Variants in FARP1 observed in about 807,000 individuals in gnomAD.
The protein encoded by FARP1 is FERM, ARH/RhoGEF and pleckstrin domain protein 1.
Under a neutral mutation model 128.8 loss-of-function variants are expected in FARP1, and 52 were observed. The ratio of observed to expected loss-of-function variants is 0.40; its 90% CI spans 0.32 to 0.51. FARP1 has a LOEUF of 0.51. FARP1 is among the 20% of genes least tolerant of loss of function. The pLI is 0.45. For missense variants in FARP1, 1,333 were observed against 1,367.9 expected, an observed-to-expected ratio of 0.97 and a Z score of 0.40; for synonymous variants, 580 against 551.8, an observed-to-expected ratio of 1.05 and a Z score of -0.72.
chr13:98,238,214 C>T (rs1228700724), intron 2 of FARP1, among the ~76,000 whole-genome samples: 1 of 152,198 alleles, frequency 6.6e-6, no homozygotes, highest in Non-Finnish European at 1.5e-5. Context: ...AGCATATCTG[C>T]GAAACAGGTT....
At chr13:98,364,728 A>C (rs1889012527) in intron 3 of FARP1, among the ~76,000 whole-genome samples, 1 of 152,210 alleles carries the variant, frequency 6.6e-6, no homozygotes, top group African/African-American at 2.4e-5. Context: ...TCTTCCTTGA[A>C]AAGTTCGCTA....
chr13:98,176,237 T>C lies in FARP1; in HGVS notation c.-24+32745T>C, dbSNP rs754767770. 1.2e-5 allele frequency: 19 copies of C among 1,607,618 alleles called. No individual in the cohort carries two copies. The highest frequency in any genetic ancestry group is 3.3e-5 in the Admixed American group (2 of 59,800). On this transcript the variant is annotated intron_variant, in intron 1 of 26. Coordinates refer to ENST00000319562, the MANE Select transcript of FARP1 (RefSeq NM_005766.4). The surrounding 1 kb of genome is among the most constrained non-coding windows in gnomAD (Gnocchi z 6.2). Reference sequence around the variant, plus strand: ...TTATGGGAAACCTAAGCCATGGGAATTGGACACTCATGGGGGTCTTCTGTG... The same window carrying C: ...TTATGGGAAACCTAAGCCATGGGAACTGGACACTCATGGGGGTCTTCTGTG...
intron 2 of FARP1, among the ~76,000 whole-genome samples, chr13:98,222,205 G>A (rs1304053723): frequency 2.0e-5 from 3 of 152,248 alleles, no homozygotes; most frequent in South Asian, 4.2e-4. Context: ...CTGTGGCTCT[G>A]GTTTTATTTT....
In FARP1 at chr13:98,351,544, G is replaced by A. The variant is rs576206223; in HGVS notation, c.276+7678G>A. Reference sequence around the variant, plus strand: ...GGAGAATGGCGTGAACCCGGGAGGCGGAGCTCGCAGTGAGCTGAGATCACG... The same window carrying A: ...GGAGAATGGCGTGAACCCGGGAGGCAGAGCTCGCAGTGAGCTGAGATCACG... On this transcript the variant is annotated intron_variant, in intron 3 of 26. Transcript: ENST00000319562. Among the ~76,000 whole-genome samples, 30 of 151,664 alleles carry A rather than the reference G, an allele frequency of 2.0e-4. No individual in the cohort carries two copies. In the South Asian group the frequency reaches 4.0e-3, roughly 20 times the overall value.
intron 2 of FARP1, among the ~76,000 whole-genome samples, chr13:98,291,598 C>T (rs1338751113): frequency 2.0e-5 from 3 of 152,138 alleles, no homozygotes; most frequent in East Asian, 1.9e-4. Context: ...TTTCTGCCAG[C>T]GGGTATATCC....
At chr13:98,227,451 TAAAAA>T (rs61196423) in intron 2 of FARP1, among the ~76,000 whole-genome samples, 3 of 141,524 alleles carry the variant, frequency 2.1e-5, no homozygotes, top group Admixed American at 1.4e-4. Context: ...TGGCTACTAT[TAAAAA>T]AAAAAAAAAC....
chr13:98,203,740 A>T (rs1880096636), intron 1 of FARP1: 1 of 152,074 alleles, frequency 6.6e-6, no homozygotes. Flanking sequence ...ATATGTTTTC[A>T]TTTGTCCTGG....
At chr13:98,281,217 G>A (rs1442217556) in intron 2 of FARP1, among the ~76,000 whole-genome samples, 2 of 152,092 alleles carry the variant, frequency 1.3e-5, no homozygotes, top group Admixed American at 6.5e-5. Flanking sequence ...GCTGGGTGTG[G>A]TGGCACGCAC....
chr13:98,327,966 A>G (rs1887306912), intron 2 of FARP1, among the ~76,000 whole-genome samples: 1 of 152,204 alleles, frequency 6.6e-6, no homozygotes, highest in African/African-American at 2.4e-5. Context: ...TCATGAAACG[A>G]GAACCATGCG....
chr13:98,143,380 G>A lies in FARP1; in HGVS notation c.-136G>A, dbSNP rs1297271462. 2 of 150,302 alleles carry A rather than the reference G, an allele frequency of 1.3e-5. No homozygotes were observed. The highest frequency in any genetic ancestry group is 4.9e-5 in the African/African-American group (2 of 41,108). 9.3% of individuals were successfully genotyped at this position (150,302 alleles called of 1,614,324 possible). On this transcript the variant is annotated 5_prime_UTR_variant, in exon 1 of 27. Transcript: ENST00000319562. ...TCGCGCGCCCGCGCCGCCGCCGCCC[G>A]CGGGTATTAATAGCCGGCGCCGCCG...
intron 2 of FARP1, among the ~76,000 whole-genome samples, chr13:98,236,518 AAAAT>A (rs1178224076): frequency 1.3e-5 from 2 of 152,212 alleles, no homozygotes; most frequent in African/African-American, 4.8e-5. Flanking sequence ...CAGAGTTTTA[AAAAT>A]AAATATATTG....
intron 2 of FARP1, among the ~76,000 whole-genome samples, chr13:98,267,068 T>C (rs1446243341): frequency 1.3e-5 from 2 of 151,238 alleles, no homozygotes; most frequent in Middle Eastern, 3.5e-3. Flanking sequence ...AAGGGGTTAT[T>C]ATTTCACCTA....
Position 98,176,228 on chromosome 13 carries a change from C to T in FARP1, c.-24+32736C>T, listed in dbSNP as rs753841984. On this transcript the variant is annotated intron_variant, in intron 1 of 26. Transcript: ENST00000319562. The surrounding 1 kb of genome is among the most constrained non-coding windows in gnomAD (Gnocchi z 6.2). Reference sequence around the variant, plus strand: ...ATGTGAGAATTATGGGAAACCTAAGCCATGGGAATTGGACACTCATGGGGG... The same window carrying T: ...ATGTGAGAATTATGGGAAACCTAAGTCATGGGAATTGGACACTCATGGGGG... 7 of 1,607,694 alleles carry T rather than the reference C, an allele frequency of 4.4e-6. No homozygotes were observed. In the African/African-American group the frequency reaches 5.4e-5, roughly 12 times the overall value.
intron 2 of FARP1, among the ~76,000 whole-genome samples, chr13:98,326,601 CAGG>C (rs1887246202): frequency 6.6e-6 from 1 of 152,176 alleles, no homozygotes. Flanking sequence ...TCATGCCTTT[CAGG>C]AGGAGAGAAC....
At chr13:98,198,099 T>A (rs1879690817) in intron 1 of FARP1, among the ~76,000 whole-genome samples, 1 of 152,194 alleles carries the variant, frequency 6.6e-6, no homozygotes, top group Non-Finnish European at 1.5e-5. Context: ...CATTTTCTCC[T>A]GAACTCAAGG....
In FARP1 at chr13:98,149,729, CTTTTTTTTTT is replaced by C. The variant is rs71120307; in HGVS notation, c.-24+6254_-24+6263del. On this transcript the variant is annotated intron_variant, in intron 1 of 26. Coordinates refer to ENST00000319562, the MANE Select transcript of FARP1 (RefSeq NM_005766.4). ...TTTGTGAGTGTCTGTTAGATATTTA[CTTTTTTTTTT>C]TTTTTTTTTTTTTTTTGAGACGGAG... 5.4e-3 allele frequency among the ~76,000 whole-genome samples: 284 copies of C among 52,426 alleles called. 2 individuals are homozygous for C. Among genetic ancestry groups the C allele is most frequent in the South Asian group, 0.043 (34 of 794 alleles). The allele number at this position is 52,426 out of a possible 152,430, so 34.4% of individuals were successfully genotyped here.
At chr13:98,428,390 T>C (rs1049959382) in intron 17 of FARP1, among the ~76,000 whole-genome samples, 3 of 152,118 alleles carry the variant, frequency 2.0e-5, no homozygotes, top group Admixed American at 2.0e-4. Context: ...TGTACCTCTT[T>C]CTGACACTTC....
intron 24 of FARP1, among the ~76,000 whole-genome samples, chr13:98,444,764 C>G (rs1892715803): frequency 6.6e-6 from 1 of 152,220 alleles, no homozygotes; most frequent in Non-Finnish European, 1.5e-5. Context: ...ATGAACCCCA[C>G]TGTGGGCTGG....
At chr13:98,393,020 C>T (rs1223147881) in intron 11 of FARP1, among the ~76,000 whole-genome samples, 4 of 152,134 alleles carry the variant, frequency 2.6e-5, no homozygotes, top group African/African-American at 9.7e-5. Context: ...TATATTTACA[C>T]AGTCTCATGA....
Sources: gnomAD v4.1 joint callset for allele counts (sites outside exome capture counted in the v4.1 genomes callset) on GRCh38, gnomAD v4.1.1 for gene constraint, Gnocchi (gnomAD v3.1) non-coding constraint, MANE v1.5 for transcripts, NCBI Gene and HGNC (gene_info 2026-07-23, HGNC 2026-07-21) for gene names.